Variants in KCNH5 observed in about 807,000 individuals in gnomAD.
KCNH5 encodes voltage-gated delayed rectifier potassium channel KCNH5.
In KCNH5, 46 loss-of-function variants were observed where a neutral mutation model predicts 96.1. That is an observed-to-expected ratio of 0.48 (90% CI 0.38 to 0.61). The LOEUF (loss-of-function observed/expected upper bound fraction) is 0.61, where lower values mean the gene tolerates loss of function less well. KCNH5 is among the 20% of genes least tolerant of loss of function. The pLI is 0.00. For synonymous variants in KCNH5, 439 were observed against 449.8 expected, an observed-to-expected ratio of 0.98 and a Z score of 0.30; for missense variants, 907 against 1,225.8, an observed-to-expected ratio of 0.74 and a Z score of 3.88.
chr14:62,762,704 G>A, intron 10 of KCNH5, among the ~76,000 whole-genome samples: 1 of 147,424 alleles, frequency 6.8e-6, no homozygotes. Flanking sequence ...CAAGCAAATG[G>A]AAAACAAACA....
chr14:62,931,603 T>C (rs1235602980), intron 7 of KCNH5, among the ~76,000 whole-genome samples: 1 of 152,098 alleles, frequency 6.6e-6, no homozygotes, highest in Non-Finnish European at 1.5e-5. Flanking sequence ...AGCTGGATCT[T>C]AAACCAGCAG....
chr14:62,794,249 G>A (rs1051778738), intron 9 of KCNH5, among the ~76,000 whole-genome samples: 1 of 151,940 alleles, frequency 6.6e-6, no homozygotes. Context: ...AGTGGTGTTA[G>A]AGAAATCTTT....
intron 10 of KCNH5, among the ~76,000 whole-genome samples, chr14:62,750,641 T>C (rs1050603289): frequency 6.6e-6 from 1 of 152,208 alleles, no homozygotes; most frequent in African/African-American, 2.4e-5. Flanking sequence ...AGATTTAGAA[T>C]TTCTAAGTGA....
At chr14:62,976,161 G>A (rs1018546268) in intron 6 of KCNH5, among the ~76,000 whole-genome samples, 8 of 151,750 alleles carry the variant, frequency 5.3e-5, no homozygotes, top group African/African-American at 1.7e-4. Context: ...AGCACTTTGG[G>A]AGGCCAAGAC....
At chr14:62,874,369 T>G (rs1173878366) in intron 7 of KCNH5, among the ~76,000 whole-genome samples, 3 of 151,958 alleles carry the variant, frequency 2.0e-5, no homozygotes, top group African/African-American at 7.3e-5. Flanking sequence ...GTAAAAAAGC[T>G]CAACATCACT....
chr14:63,013,511 A>T (rs573574278), intron 2 of KCNH5, among the ~76,000 whole-genome samples: 5 of 152,278 alleles, frequency 3.3e-5, no homozygotes, highest in Admixed American at 1.3e-4. Flanking sequence ...CTTATAAGTC[A>T]GTAATTCCAC....
chr14:62,713,360 C>G (rs1412461045), intron 10 of KCNH5, among the ~76,000 whole-genome samples: 1 of 152,168 alleles, frequency 6.6e-6, no homozygotes, highest in Non-Finnish European at 1.5e-5. Context: ...TTCTGGCATT[C>G]CTAGAACCTA....
At chr14:62,848,618 T>C (rs961995247) in intron 8 of KCNH5, among the ~76,000 whole-genome samples, 3 of 152,190 alleles carry the variant, frequency 2.0e-5, no homozygotes, top group African/African-American at 7.2e-5. Flanking sequence ...ACACCTGCCC[T>C]GGCTTAAAAC....
chr14:62,715,853 A>C (rs1884673863), intron 10 of KCNH5, among the ~76,000 whole-genome samples: 1 of 152,010 alleles, frequency 6.6e-6, no homozygotes, highest in Admixed American at 6.6e-5. Context: ...GGACTGAGGG[A>C]GGGAGGAAAG....
intron 6 of KCNH5, among the ~76,000 whole-genome samples, chr14:62,964,291 C>A (rs74397846): frequency 0.032 from 4,916 of 152,196 alleles, 267 homozygotes; most frequent in African/African-American, 0.11. Flanking sequence ...TCTTCCATCA[C>A]TTGAGGTCAC....
chr14:62,758,650 G>A (rs1885680199), intron 10 of KCNH5, among the ~76,000 whole-genome samples: 1 of 152,162 alleles, frequency 6.6e-6, no homozygotes, highest in Admixed American at 6.5e-5. Flanking sequence ...CGTAGAAAGA[G>A]CAGCTGGATA....
chr14:63,001,665 T>C (rs536036835), intron 3 of KCNH5, among the ~76,000 whole-genome samples: 88 of 152,328 alleles, frequency 5.8e-4, no homozygotes, highest in African/African-American at 2.0e-3. Flanking sequence ...ATAAACACAG[T>C]ATACACGCCA....
At chr14:62,754,758 C>G (rs559603550) in intron 10 of KCNH5, among the ~76,000 whole-genome samples, 5 of 151,700 alleles carry the variant, frequency 3.3e-5, no homozygotes, top group African/African-American at 9.7e-5. Context: ...GGCTTTAGTA[C>G]CAGCTGCTTG....
In KCNH5 at chr14:62,699,884, C is replaced by A. The variant is rs915440450; in HGVS notation, c.*7624G>T. 1 of 152,094 alleles carries A rather than the reference C, an allele frequency of 6.6e-6. No individual in the cohort carries two copies. The highest frequency in any genetic ancestry group is 2.4e-5 in the African/African-American group (1 of 41,440). The allele number at this position is 152,094 out of a possible 1,614,324, so 9.4% of individuals were successfully genotyped here. ...TGAATCAGATTTTGAAAAAAGCCAA[C>A]AAGTACTGCTTAGCATAATGGTATT... On this transcript the variant is annotated 3_prime_UTR_variant, in exon 11 of 11. Transcript: ENST00000322893.
At chr14:62,825,165 TC>T (rs1221424767) in intron 8 of KCNH5, among the ~76,000 whole-genome samples, 1 of 152,112 alleles carries the variant, frequency 6.6e-6, no homozygotes, top group Non-Finnish European at 1.5e-5. Flanking sequence ...CTGTTTTAAG[TC>T]CTTTGAGAAA....
intron 1 of KCNH5, among the ~76,000 whole-genome samples, chr14:63,018,559 C>A (rs1001778343): frequency 6.6e-6 from 1 of 151,942 alleles, no homozygotes; most frequent in Non-Finnish European, 1.5e-5. Context: ...ACACCTCAAG[C>A]CTTCCATCTA....
intron 9 of KCNH5, among the ~76,000 whole-genome samples, chr14:62,793,167 T>C (rs1404226777): frequency 6.6e-6 from 1 of 151,792 alleles, no homozygotes; most frequent in Admixed American, 6.6e-5. Context: ...ATAGTTTTTG[T>C]TCAATGGGTA....
At chr14:62,752,799 CCT>C (rs1885531304) in intron 10 of KCNH5, among the ~76,000 whole-genome samples, 1 of 152,126 alleles carries the variant, frequency 6.6e-6, no homozygotes, top group East Asian at 1.9e-4. Flanking sequence ...GTTCCCCCTC[CCT>C]CTCTCTCCTG....
At chr14:62,749,134 G>A (rs1415926149) in intron 10 of KCNH5, among the ~76,000 whole-genome samples, 1 of 152,188 alleles carries the variant, frequency 6.6e-6, no homozygotes, top group Non-Finnish European at 1.5e-5. Context: ...GTTTGGTTAT[G>A]TAGAGAGGCT....
Sources: allele counts gnomAD v4.1 joint callset (sites outside exome capture counted in the v4.1 genomes callset), GRCh38; gene constraint gnomAD v4.1.1; transcripts MANE v1.5; gene names NCBI Gene and HGNC (gene_info 2026-07-23, HGNC 2026-07-21).